FILIP1L: variants seen among roughly 807,000 people sequenced by gnomAD.
The protein encoded by FILIP1L is filamin A-interacting protein 1-like.
Under a neutral mutation model 96.6 loss-of-function variants are expected in FILIP1L, and 55 were observed. The observed-to-expected ratio is 0.57, with a 90% CI of 0.46 to 0.71. The LOEUF (loss-of-function observed/expected upper bound fraction) is 0.71. FILIP1L is among the 30% of genes least tolerant of loss of function. The pLI, the probability that FILIP1L is intolerant of heterozygous loss-of-function variation, is 0.00. For synonymous variants in FILIP1L, 467 were observed against 473.9 expected (o/e 0.99, Z 0.19); for missense variants, 1,304 against 1,321.2 (o/e 0.99, Z 0.20).
At chr3:99,943,105 G>C (rs1424153499) in intron 1 of FILIP1L, among the ~76,000 whole-genome samples, 1 of 152,128 alleles carries the variant, frequency 6.6e-6, no homozygotes, top group African/African-American at 2.4e-5. Context: ...CTCAGCTGGG[G>C]CAAAGCCTGT....
chr3:100,042,611 A>G (rs2065223425), intron 1 of FILIP1L, among the ~76,000 whole-genome samples: 1 of 152,256 alleles, frequency 6.6e-6, no homozygotes, highest in Non-Finnish European at 1.5e-5. Flanking sequence ...GTACATAATT[A>G]GAACAATTCC....
intron 1 of FILIP1L, among the ~76,000 whole-genome samples, chr3:100,011,418 A>C (rs966595685): frequency 2.0e-5 from 3 of 152,156 alleles, no homozygotes; most frequent in Non-Finnish European, 4.4e-5. Flanking sequence ...AACTTAATAA[A>C]AAGATATAAT....
rs571806906 is a variant in FILIP1L, at chr3:99,935,626, C to G, written c.-10-4596G>C. 3.9e-4 allele frequency among the ~76,000 whole-genome samples: 60 copies of G among 152,322 alleles called. 1 individual carries two copies. Among genetic ancestry groups the G allele is most frequent in the African/African-American group, 1.4e-3 (58 of 41,550 alleles). ...TTGACCTCTACCCTGTTCCTCACCC[C>G]CTGATGGATCCCGTGATAGCAGGGT... is the stretch of plus-strand genomic sequence containing the variant. On this transcript the variant is annotated intron_variant, in intron 1 of 5. Coordinates refer to ENST00000477258, the MANE Select transcript of FILIP1L (RefSeq NM_001387850.1).
chr3:99,888,045 C>T (rs1314463121), intron 4 of FILIP1L, among the ~76,000 whole-genome samples: 3 of 152,176 alleles, frequency 2.0e-5, no homozygotes, highest in South Asian at 4.2e-4. Flanking sequence ...TGCCTGGCCT[C>T]CTGTTGTATA....
intron 1 of FILIP1L, among the ~76,000 whole-genome samples, chr3:100,036,348 A>G (rs1017642265): frequency 1.3e-5 from 2 of 152,200 alleles, no homozygotes; most frequent in African/African-American, 4.8e-5. Flanking sequence ...TTTTCATGCC[A>G]CGATGTTAGG....
In FILIP1L at chr3:100,022,986, T is replaced by C. The variant is rs578032004; in HGVS notation, c.-11+91067A>G. Reference sequence around the variant, plus strand: ...TGCAATCTCTTGCTTTTTAGATTTCTACTGACATTTTTGCCTGCTGTTAGA... The same window carrying C: ...TGCAATCTCTTGCTTTTTAGATTTCCACTGACATTTTTGCCTGCTGTTAGA... On this transcript the variant is annotated intron_variant, in intron 1 of 5. Coordinates refer to ENST00000477258, the MANE Select transcript of FILIP1L (RefSeq NM_001387850.1). Among the ~76,000 whole-genome samples, 3 of 152,344 alleles carry C rather than the reference T, an allele frequency of 2.0e-5. No individual in the cohort carries two copies. The East Asian group carries it at 5.8e-4, about 29-fold the overall frequency.
intron 4 of FILIP1L, among the ~76,000 whole-genome samples, chr3:99,863,625 A>G (rs1352894283): frequency 6.6e-6 from 1 of 152,164 alleles, no homozygotes; most frequent in Non-Finnish European, 1.5e-5. Context: ...TTTTCAGTCT[A>G]TTTTGTGTAC....
chr3:100,089,970 T>C (rs2066075276), intron 1 of FILIP1L, among the ~76,000 whole-genome samples: 1 of 152,120 alleles, frequency 6.6e-6, no homozygotes, highest in Non-Finnish European at 1.5e-5. Context: ...AGGGAGGAAA[T>C]AGTACACTCA....
At chr3:99,902,822 G>C (rs934043797) in intron 4 of FILIP1L, among the ~76,000 whole-genome samples, 1 of 152,154 alleles carries the variant, frequency 6.6e-6, no homozygotes, top group African/African-American at 2.4e-5. Context: ...TGGTAATGGG[G>C]TAACTTCCAT....
intron 1 of FILIP1L, among the ~76,000 whole-genome samples, chr3:100,021,956 TGTGTGAGAGAGAGAGAGAGA>T (rs2064830594): frequency 1.1e-5 from 1 of 94,618 alleles, no homozygotes; most frequent in East Asian, 3.4e-4. Context: ...TGTGTGTGTG[TGTGTGAGAGAGAGAGAGAGA>T]GAGAGAGAGA....
chr3:99,890,888 T>A (rs1326756476), intron 4 of FILIP1L, among the ~76,000 whole-genome samples: 1 of 152,190 alleles, frequency 6.6e-6, no homozygotes, highest in African/African-American at 2.4e-5. Context: ...TGAAGTCACG[T>A]ATCTCAGAAT....
chr3:100,050,482 CT>C (rs750078625), intron 1 of FILIP1L, among the ~76,000 whole-genome samples: 30 of 152,200 alleles, frequency 2.0e-4, no homozygotes, highest in Non-Finnish European at 3.4e-4. Flanking sequence ...TAGTCATTTT[CT>C]GTTTTTTTAG....
At chr3:100,021,950 T>TGA (rs2064827927) in intron 1 of FILIP1L, among the ~76,000 whole-genome samples, 1 of 128,936 alleles carries the variant, frequency 7.8e-6, no homozygotes, top group African/African-American at 2.9e-5. Flanking sequence ...TGTGTGTGTG[T>TGA]GTGTGTGTGT....
rs114666277 is a variant in FILIP1L, at chr3:99,837,226, C to T, written c.3382-6621G>A. Among the ~76,000 whole-genome samples, 1,022 of 152,208 alleles carry T rather than the reference C, an allele frequency of 6.7e-3. 3 individuals carry two copies. The highest frequency in any genetic ancestry group is 8.5e-3 in the African/African-American group (352 of 41,524). On this transcript the variant is annotated intron_variant, in intron 5 of 5. Transcript: ENST00000477258. The stretch of plus-strand genomic sequence containing the variant: ...CATGATCCGTACTCACTGATTCCCT[C>T]CCTGTTGCCCTAAAGGAATAACTAT...
intron 1 of FILIP1L, among the ~76,000 whole-genome samples, chr3:99,939,481 TCA>T: frequency 6.6e-6 from 1 of 152,222 alleles, no homozygotes; most frequent in East Asian, 1.9e-4. Flanking sequence ...CACCCACAAC[TCA>T]CAAACACATT....
chr3:99,901,142 A>G (rs1706422579), intron 4 of FILIP1L, among the ~76,000 whole-genome samples: 1 of 152,242 alleles, frequency 6.6e-6, no homozygotes, highest in Non-Finnish European at 1.5e-5. Context: ...AGTAAGCTTT[A>G]GTATTGCTTT....
chr3:99,848,776 A>G lies in FILIP1L; in HGVS notation c.2900T>C (p.Met967Thr), dbSNP rs776348364. 23 of 1,614,052 alleles carry G rather than the reference A, an allele frequency of 1.4e-5. No homozygotes were observed. Among genetic ancestry groups the G allele is most frequent in the South Asian group, 4.4e-5 (4 of 91,082 alleles). Residue 967 changes from methionine (M) to threonine (T), a missense_variant, in exon 5 of 6, where the codon ATG becomes ACG. Physicochemically the swap from Met to Thr is moderately conservative, Grantham distance 81. Coordinates refer to ENST00000477258, the MANE Select transcript of FILIP1L (RefSeq NM_001387850.1). ...VKSKTSTEDL[M>T]NLEQGMSPIT... is the part of the protein sequence containing the mutation. ...TGGGGACATGCCTTGTTCTAAATTCATGAGGTCTTCGGTAGAGGTTTTGGA... is the reference window on the plus strand; with the variant it reads ...TGGGGACATGCCTTGTTCTAAATTCGTGAGGTCTTCGGTAGAGGTTTTGGA...
At chr3:99,884,496 G>A (rs1340565154) in intron 4 of FILIP1L, among the ~76,000 whole-genome samples, 2 of 152,188 alleles carry the variant, frequency 1.3e-5, no homozygotes, top group Non-Finnish European at 2.9e-5. Flanking sequence ...GGAAGGGAAA[G>A]GAATTGCTGT....
At chr3:99,995,690 C>T (rs1709657494) in intron 1 of FILIP1L, among the ~76,000 whole-genome samples, 1 of 152,246 alleles carries the variant, frequency 6.6e-6, no homozygotes. Context: ...GGCAGAGGTT[C>T]CCAAACCCCA....
Sources: gnomAD v4.1 joint callset for allele counts (sites outside exome capture counted in the v4.1 genomes callset) on GRCh38, gnomAD v4.1.1 for gene constraint, MANE v1.5 for transcripts, NCBI Gene and HGNC (gene_info 2026-07-23, HGNC 2026-07-21) for gene names.